Variants in SNTB1 observed in about 807,000 individuals in gnomAD.
The protein encoded by SNTB1 is beta-1-syntrophin.
In SNTB1, 36 loss-of-function variants were observed where a neutral mutation model predicts 48.9. The ratio of observed to expected loss-of-function variants is 0.74; its 90% CI spans 0.56 to 0.97. The LOEUF (loss-of-function observed/expected upper bound fraction) is 0.97. Ranked by LOEUF, SNTB1 falls within the 50% of genes least tolerant of loss-of-function variation. The pLI is 0.00. For synonymous variants in SNTB1, 299 were observed against 294.6 expected, an observed-to-expected ratio of 1.01 and a Z score of -0.15; for missense variants, 786 against 703.4, an observed-to-expected ratio of 1.12 and a Z score of -1.33.
At chr8:120,552,702 C>T (rs1815501810) in intron 4 of SNTB1, among the ~76,000 whole-genome samples, 1 of 152,096 alleles carries the variant, frequency 6.6e-6, no homozygotes, top group South Asian at 2.1e-4. Context: ...GGTTTCCCCA[C>T]CTTTTGGGAT....
intron 2 of SNTB1, among the ~76,000 whole-genome samples, chr8:120,680,703 A>G (rs1403733354): frequency 6.6e-6 from 1 of 152,228 alleles, no homozygotes. Context: ...CAGAGGCATC[A>G]TTATCTCTGC....
chr8:120,671,350 T>C (rs915582526), intron 2 of SNTB1, among the ~76,000 whole-genome samples: 2 of 152,232 alleles, frequency 1.3e-5, no homozygotes, highest in Non-Finnish European at 2.9e-5. Context: ...GATGAAATCA[T>C]ATTATAATAG....
chr8:120,730,309 G>A (rs900904372), intron 1 of SNTB1, among the ~76,000 whole-genome samples: 2 of 152,030 alleles, frequency 1.3e-5, no homozygotes, highest in Non-Finnish European at 1.5e-5. Flanking sequence ...TCAGGTGCAC[G>A]CCACCATGCC....
At chr8:120,594,183 C>T (rs1006513886) in intron 3 of SNTB1, among the ~76,000 whole-genome samples, 1 of 152,058 alleles carries the variant, frequency 6.6e-6, no homozygotes, top group Non-Finnish European at 1.5e-5. Flanking sequence ...CCCCCCTCAG[C>T]CTCCTGAGTC....
chr8:120,598,022 C>CT (rs1260052063), intron 3 of SNTB1, among the ~76,000 whole-genome samples: 2 of 152,258 alleles, frequency 1.3e-5, no homozygotes, highest in South Asian at 2.1e-4. Context: ...CAAGAGTAAA[C>CT]TTTTTTCTGT....
intron 1 of SNTB1, among the ~76,000 whole-genome samples, chr8:120,762,083 G>A (rs766062567): frequency 1.3e-5 from 2 of 152,166 alleles, no homozygotes; most frequent in Non-Finnish European, 2.9e-5. Context: ...CAATACCCAC[G>A]TTTAGAAGCC....
At chr8:120,564,772 C>T (rs1030926528) in intron 4 of SNTB1, among the ~76,000 whole-genome samples, 3 of 151,430 alleles carry the variant, frequency 2.0e-5, no homozygotes, top group Non-Finnish European at 2.9e-5. Flanking sequence ...GGTTTCACCA[C>T]GTTGGTCAGG....
intron 4 of SNTB1, among the ~76,000 whole-genome samples, chr8:120,558,309 A>G (rs1005938320): frequency 3.9e-5 from 6 of 152,188 alleles, no homozygotes; most frequent in Non-Finnish European, 8.8e-5. Flanking sequence ...CTGTCTCCCA[A>G]GAGAAGATAA....
At chr8:120,685,808 T>C (rs1818021338) in intron 2 of SNTB1, among the ~76,000 whole-genome samples, 14 of 152,230 alleles carry the variant, frequency 9.2e-5, no homozygotes, top group Admixed American at 9.2e-4. Context: ...TGCCTTTTAC[T>C]GTAAGCAGTC....
chr8:120,791,188 A>G (rs1416143660), intron 1 of SNTB1, among the ~76,000 whole-genome samples: 5 of 151,936 alleles, frequency 3.3e-5, no homozygotes, highest in Admixed American at 6.6e-5. Context: ...CAAAGCATAC[A>G]AAAACATAAA....
intron 2 of SNTB1, among the ~76,000 whole-genome samples, chr8:120,647,267 A>G (rs1372878208): frequency 8.1e-6 from 1 of 122,734 alleles, no homozygotes; most frequent in Non-Finnish European, 1.7e-5. Flanking sequence ...TAGGGTGTCA[A>G]TTTTGGATCT....
chr8:120,663,980 C>G (rs1817634493), intron 2 of SNTB1, among the ~76,000 whole-genome samples: 1 of 152,112 alleles, frequency 6.6e-6, no homozygotes, highest in African/African-American at 2.4e-5. Context: ...AATTACCCAT[C>G]CATGGTTACA....
At chr8:120,712,923 C>A (rs1022790670) in intron 1 of SNTB1, among the ~76,000 whole-genome samples, 1 of 152,158 alleles carries the variant, frequency 6.6e-6, no homozygotes, top group Non-Finnish European at 1.5e-5. Context: ...ATTACACATG[C>A]CGCACACCTG....
At chr8:120,640,761 G>T (rs570028624) in intron 2 of SNTB1, among the ~76,000 whole-genome samples, 33 of 152,270 alleles carry the variant, frequency 2.2e-4, no homozygotes, top group African/African-American at 7.5e-4. Flanking sequence ...ATTTTGATGT[G>T]CTGCTGGATT....
At chr8:120,574,921 A>G (rs1441554536) in intron 4 of SNTB1, among the ~76,000 whole-genome samples, 165 bp downstream of exon 4, 2 of 152,174 alleles carry the variant, frequency 1.3e-5, no homozygotes, top group Admixed American at 6.5e-5. Context: ...GTTTGGCCAT[A>G]AATGATCATT....
chr8:120,748,725 A>C (rs1819165172), intron 1 of SNTB1, among the ~76,000 whole-genome samples: 1 of 152,216 alleles, frequency 6.6e-6, no homozygotes, highest in Admixed American at 6.5e-5. Flanking sequence ...AAAGACTAGA[A>C]TGGCACTAAA....
intron 2 of SNTB1, among the ~76,000 whole-genome samples, chr8:120,689,474 TG>T (rs1255307389): frequency 6.6e-6 from 1 of 152,210 alleles, no homozygotes; most frequent in Admixed American, 6.5e-5. Flanking sequence ...TAAGCATCAC[TG>T]TCTATAAAGT....
rs1302581908 is a variant in SNTB1, at chr8:120,769,464, T to C, written c.571+41809A>G. The C allele has an allele frequency of 2.0e-5, 3 of 152,202 alleles. No individual in the cohort carries two copies. In the East Asian group the frequency reaches 5.8e-4, roughly 29 times the overall value. 9.4% of individuals were successfully genotyped at this position (152,202 alleles called of 1,614,324 possible). On this transcript the variant is annotated intron_variant, in intron 1 of 6. Coordinates refer to ENST00000517992, the MANE Select transcript of SNTB1 (RefSeq NM_021021.4). Reference sequence around the variant, plus strand: ...GTGGAGCACATGGCAGAAATGATGTTGCTCCAGTTTCTAGGCCCAGACTTT... The same window carrying C: ...GTGGAGCACATGGCAGAAATGATGTCGCTCCAGTTTCTAGGCCCAGACTTT...
Position 120,538,809 on chromosome 8 carries a change from G to C in SNTB1, c.*68C>G. 1.6e-6 allele frequency: 2 copies of C among 1,250,756 alleles called. No homozygotes were observed. The highest frequency in any genetic ancestry group is 2.4e-6 in the Non-Finnish European group (2 of 849,300). The allele number at this position is 1,250,756 out of a possible 1,614,324, so 77.5% of individuals were successfully genotyped here. A position where few individuals can be genotyped will look rare whatever the true frequency, so the allele number is the denominator to read the frequency against. ...TCTGGTGCGCTGCTCACTACAGATG[G>C]TGTCTGACATCACGTTCTCTGGTGG... is the stretch of plus-strand genomic sequence containing the variant. On this transcript the variant is annotated 3_prime_UTR_variant, in exon 7 of 7. Transcript: ENST00000517992.
Sources: allele counts gnomAD v4.1 joint callset (sites outside exome capture counted in the v4.1 genomes callset), GRCh38; gene constraint gnomAD v4.1.1; transcripts MANE v1.5; gene names NCBI Gene and HGNC (gene_info 2026-07-23, HGNC 2026-07-21).